The following GPRC6A variants were observed in gnomAD, a reference collection of about 807,000 sequenced individuals.
GPRC6A encodes the protein G protein-coupled receptor class C group 6 member A.
GPRC6A carries 54 observed loss-of-function variants against 47.0 expected under a neutral mutation model. That is an observed-to-expected ratio of 1.15 (90% CI 0.92 to 1.44). GPRC6A has a LOEUF of 1.44. Among genes scored for constraint, GPRC6A ranks in the 40% most tolerant of loss-of-function variants. The pLI, the probability that GPRC6A is intolerant of heterozygous loss-of-function variation, is 0.00. For synonymous variants in GPRC6A, 347 were observed against 377.1 expected (o/e 0.92, Z 0.93); for missense variants, 1,112 against 1,105.5 (o/e 1.01, Z -0.08).
intron 4 of GPRC6A, 62 bp downstream of exon 4, chr6:116,800,522 G>A (rs1426874769): frequency 2.0e-6 from 2 of 1,010,470 alleles, no homozygotes; most frequent in African/African-American, 3.2e-5. Flanking sequence ...GGGGGCCAAG[G>A]ACTTTTGCAG....
intron 1 of GPRC6A, among the ~76,000 whole-genome samples, chr6:116,817,363 C>A (rs1773259675): frequency 2.6e-5 from 4 of 151,544 alleles, no homozygotes; most frequent in Non-Finnish European, 4.4e-5. Flanking sequence ...ACAGAAAGGA[C>A]ATCCACACCA....
chr6:116,823,822 A>T (rs113104198), intron 1 of GPRC6A, among the ~76,000 whole-genome samples: 17,502 of 152,096 alleles, frequency 0.12, 1,302 homozygotes, highest in African/African-American at 0.21. Flanking sequence ...GAAGGCAAAG[A>T]GGGAGCTGGC....
At chr6:116,803,480 A>G (rs1415590968) in intron 3 of GPRC6A, among the ~76,000 whole-genome samples, 1 of 152,132 alleles carries the variant, frequency 6.6e-6, no homozygotes, top group Non-Finnish European at 1.5e-5. Flanking sequence ...CAGTATCAGC[A>G]TCATCTGGGA....
Position 116,806,695 on chromosome 6 carries a change from TG to T in GPRC6A, c.1009del (p.His337IlefsTer36). The T allele has an allele frequency of 1.2e-6, 2 of 1,613,564 alleles. No homozygotes were observed. The highest frequency in any genetic ancestry group is 1.7e-6 in the Non-Finnish European group (2 of 1,179,756). On this transcript the variant is annotated frameshift_variant, in exon 3 of 6. Coordinates refer to ENST00000310357, the MANE Select transcript of GPRC6A (RefSeq NM_148963.4). LOFTEE classifies it high-confidence loss of function. ...AFRRGNISSF[H>X]SFLQNLHLLP... Reference sequence around the variant, plus strand: ...CAAGTGCAGATTTTGAAGAAAGGAATGGAAAGAGGATATATTCCCTCTTCTA... The same window carrying T: ...CAAGTGCAGATTTTGAAGAAAGGAATGAAAGAGGATATATTCCCTCTTCTA...
intron 1 of GPRC6A, among the ~76,000 whole-genome samples, chr6:116,817,711 G>A (rs1008824045): frequency 6.6e-6 from 1 of 152,070 alleles, no homozygotes; most frequent in African/African-American, 2.4e-5. Flanking sequence ...TGAAAGCCAA[G>A]GCTCGAGAAC....
In GPRC6A at chr6:116,793,170, C is replaced by A; in HGVS notation, c.1753G>T (p.Glu585Ter). 6.2e-7 allele frequency: 1 copy of A among 1,613,124 alleles called. No individual in the cohort carries two copies. Residue 585 changes from glutamate (E) to a stop codon, truncating the protein, a stop_gained, in exon 6 of 6, where the codon GAA (glutamate) becomes TAA (stop). Coordinates refer to ENST00000310357, the MANE Select transcript of GPRC6A (RefSeq NM_148963.4). LOFTEE classifies it low-confidence loss of function (END_TRUNC). ...RSTMCFEKEV[E>*]YLNWNDSLAI... ...AAGGAGTCATTCCAGTTGAGATATT[C>A]CACTTCCTTTTCAAAGCACATAGTG...
At chr6:116,821,733 G>T (rs1478366679) in intron 1 of GPRC6A, among the ~76,000 whole-genome samples, 2 of 151,822 alleles carry the variant, frequency 1.3e-5, no homozygotes, top group Non-Finnish European at 2.9e-5. Flanking sequence ...AGACTTAAAC[G>T]TTAGACCTAA....
intron 1 of GPRC6A, among the ~76,000 whole-genome samples, chr6:116,816,730 G>T (rs1050370144): frequency 6.6e-6 from 1 of 152,252 alleles, no homozygotes; most frequent in African/African-American, 2.4e-5. Context: ...CTTGGGAAGC[G>T]CAAGGGGTCA....
At chr6:116,812,583 C>T (rs183465694) in intron 1 of GPRC6A, among the ~76,000 whole-genome samples, 8 of 152,180 alleles carry the variant, frequency 5.3e-5, no homozygotes, top group Admixed American at 2.6e-4. Flanking sequence ...CCTCATATGT[C>T]AACATTAACC....
At chr6:116,800,878 T>A in intron 3 of GPRC6A, 82 bp from the exon 4 acceptor site, 3 of 793,694 alleles carry the variant, frequency 3.8e-6, no homozygotes, top group Non-Finnish European at 4.1e-6. Flanking sequence ...CACTGCCTTA[T>A]AAAGCATATC....
chr6:116,811,978 C>T (rs1392878798), intron 1 of GPRC6A, among the ~76,000 whole-genome samples: 1 of 152,008 alleles, frequency 6.6e-6, no homozygotes, highest in Non-Finnish European at 1.5e-5. Flanking sequence ...TAGATAAAAA[C>T]TTTCCACATC....
chr6:116,823,185 G>A (rs1288992438), intron 1 of GPRC6A, among the ~76,000 whole-genome samples: 2 of 152,010 alleles, frequency 1.3e-5, no homozygotes, highest in African/African-American at 4.8e-5. Flanking sequence ...TTAAATATAA[G>A]TTCCAGTTTT....
Position 116,806,926 on chromosome 6 carries a change from C to T in GPRC6A, c.779G>A (p.Arg260Gln), listed in dbSNP as rs368860950. Residue 260 changes from arginine to glutamine, a missense_variant, in exon 3 of 6, where the codon CGG becomes CAG. Arg to Gln is a conservative substitution (Grantham distance 43, BLOSUM62 1). Transcript: ENST00000310357. ...TTCTAAAATGATTTTCTTCAGTGTC[C>T]GATTGATTCTGACTTCAATGGTATT... ...SDNTIEVRIN[R>Q]TLKKIILEAQ... is the part of the protein sequence containing the mutation. The T allele has an allele frequency of 2.2e-5, 36 of 1,613,274 alleles. 1 individual carries two copies. Among genetic ancestry groups the T allele is most frequent in the Admixed American group, 1.5e-4 (9 of 59,838 alleles).
chr6:116,823,268 G>T (rs1056008719), intron 1 of GPRC6A, among the ~76,000 whole-genome samples: 1 of 152,092 alleles, frequency 6.6e-6, no homozygotes, highest in African/African-American at 2.4e-5. Flanking sequence ...CTGCTTTGCT[G>T]CTTAGAAATT....
upstream of GPRC6A, chr6:116,829,092 C>T: frequency 6.6e-7 from 1 of 1,506,712 alleles, no homozygotes; most frequent in Non-Finnish European, 8.9e-7. Context: ...ATTCCTATTT[C>T]ACCTGTAAAC....
At chr6:116,806,013 G>C (rs1772824929) in intron 3 of GPRC6A, among the ~76,000 whole-genome samples, 2 of 152,028 alleles carry the variant, frequency 1.3e-5, no homozygotes, top group African/African-American at 4.8e-5. Context: ...ATCATATTTA[G>C]TAAAAAACAA....
At chr6:116,827,810 G>A (rs1401465756) in intron 1 of GPRC6A, among the ~76,000 whole-genome samples, 1 of 151,812 alleles carries the variant, frequency 6.6e-6, no homozygotes, top group African/African-American at 2.4e-5. Context: ...AGCTAAAAGT[G>A]CCCAACTTTT....
At chr6:116,810,089 T>C (rs1354432669) in intron 1 of GPRC6A, among the ~76,000 whole-genome samples, 2 of 152,158 alleles carry the variant, frequency 1.3e-5, no homozygotes, top group Non-Finnish European at 2.9e-5. Context: ...AGATAAAGTG[T>C]CTTATTTTAG....
intron 1 of GPRC6A, among the ~76,000 whole-genome samples, chr6:116,816,224 C>T (rs1386350915): frequency 6.6e-6 from 1 of 152,192 alleles, no homozygotes; most frequent in Non-Finnish European, 1.5e-5. Context: ...TCTGAGTAGT[C>T]CCTTCTGCCT....
Sources: gnomAD v4.1 joint callset for allele counts (sites outside exome capture counted in the v4.1 genomes callset) on GRCh38, gnomAD v4.1.1 for gene constraint, MANE v1.5 for transcripts, NCBI Gene and HGNC (gene_info 2026-07-23, HGNC 2026-07-21) for gene names.